Variants in HM13 observed in about 807,000 individuals in gnomAD.
The protein encoded by HM13 is signal peptide peptidase.
HM13 carries 18 observed loss-of-function variants against 50.0 expected under a neutral mutation model. That is an observed-to-expected ratio of 0.36 (90% confidence interval 0.25 to 0.53). HM13 has a LOEUF of 0.53. Among genes scored for constraint, HM13 ranks in the 20% least tolerant of loss-of-function variants. HM13 has a pLI of 0.90. For synonymous variants in HM13, 197 were observed against 232.6 expected, an observed-to-expected ratio of 0.85 and a Z score of 1.39; for missense variants, 393 against 552.4, an observed-to-expected ratio of 0.71 and a Z score of 2.89.
intron 3 of HM13, chr20:31,541,777 G>A (rs904154579): frequency 9.9e-5 from 15 of 152,220 alleles, no homozygotes; most frequent in Admixed American, 9.8e-4. Flanking sequence ...CTACAGTGTT[G>A]TTAGAATTTT....
At chr20:31,528,173 T>C (rs1367168134) in intron 2 of HM13, 4 of 152,230 alleles carry the variant, frequency 2.6e-5, no homozygotes, top group Admixed American at 2.6e-4. Flanking sequence ...TTTCTCATGT[T>C]ACTGCAAACC....
intron 1 of HM13, among the ~76,000 whole-genome samples, chr20:31,520,145 C>T (rs1047036329): frequency 6.6e-6 from 1 of 152,096 alleles, no homozygotes; most frequent in East Asian, 1.9e-4. Context: ...GCGTGAGCCA[C>T]TGTTCCCAGC....
chr20:31,535,282 A>C (rs1411007360), intron 2 of HM13: 1 of 152,240 alleles, frequency 6.6e-6, no homozygotes, highest in Non-Finnish European at 1.5e-5. Context: ...CTTTGAGGCA[A>C]CTCAAAAAAT....
At position 31,568,141 on chromosome 20, in the gene HM13, G is replaced by A. The variant is rs1374146408; in HGVS notation, c.1098G>A (p.Ser366=). 19 of 1,612,670 alleles carry A rather than the reference G, an allele frequency of 1.2e-5. No individual in the cohort carries two copies. Among genetic ancestry groups the A allele is most frequent in the Admixed American group, 3.3e-5 (2 of 59,894 alleles). ...GGCTCACCCACTTCCCCACAGTCTC[G>A]GGCTCCCCAGCCAGCCTGGCCGACT... ...TPRLTHFPTV[S]GSPASLADSM... The change falls in exon 12 of 13, where the codon TCG becomes TCA. Residue 366 remains serine (S), a synonymous_variant. Transcript: ENST00000398174.
rs372206827 is a variant in HM13 at position 31,527,543 on chromosome 20, C to T, written c.243C>T (p.Ile81=). 1.2e-5 allele frequency: 19 copies of T among 1,613,966 alleles called. No homozygotes were observed. The East Asian group carries it at 2.5e-4, about 21-fold the overall frequency. ...GGGATGCCGCCCGCTTCCCCATCAT[C>T]GCCAGCTGCACACTCTTGGGGCTCT... ...TSRDAARFPI[I]ASCTLLGLYL... is the part of the protein sequence containing the mutation. Residue 81 remains isoleucine (I), a synonymous_variant, in exon 2 of 13, where the codon ATC becomes ATT. Coordinates refer to ENST00000398174, the MANE Select transcript of HM13 (RefSeq NM_178581.3).
chr20:31,559,498 T>G, intron 8 of HM13, 113 bp from the exon 9 acceptor site: 2 of 1,027,732 alleles, frequency 1.9e-6, no homozygotes, highest in Non-Finnish European at 3.1e-6. Flanking sequence ...ACCCTTGGTC[T>G]CCAATGATTG....
chr20:31,534,881 C>T (rs1048054676), intron 2 of HM13, among the ~76,000 whole-genome samples: 10 of 151,916 alleles, frequency 6.6e-5, no homozygotes, highest in Admixed American at 3.3e-4. Context: ...GTCAGGAGAT[C>T]GAGACCATCC....
At chr20:31,565,774 T>C (rs1984875373) in intron 10 of HM13, among the ~76,000 whole-genome samples, 1 of 152,294 alleles carries the variant, frequency 6.6e-6, no homozygotes, top group East Asian at 1.9e-4. Context: ...GTCACCTTAA[T>C]ACAGGCTGCA....
chr20:31,547,192 G>A (rs1983771503), intron 4 of HM13, among the ~76,000 whole-genome samples: 1 of 152,184 alleles, frequency 6.6e-6, no homozygotes, highest in Non-Finnish European at 1.5e-5. Context: ...CTTCTGTTCC[G>A]GCAAGGAGAA....
chr20:31,534,643 C>T (rs1203430112), intron 2 of HM13, among the ~76,000 whole-genome samples: 2 of 152,000 alleles, frequency 1.3e-5, no homozygotes, highest in Non-Finnish European at 2.9e-5. Flanking sequence ...ATTAGCCAGG[C>T]GTGGTGGCAC....
At chr20:31,548,252 T>A in intron 4 of HM13, 1 of 528,824 alleles carries the variant, frequency 1.9e-6, no homozygotes. Flanking sequence ...AGCAGTCTGC[T>A]AACACTCTGG....
intron 11 of HM13, chr20:31,567,568 T>A (rs1984996868): frequency 6.6e-6 from 1 of 152,208 alleles, no homozygotes. Context: ...TCCACCTTTT[T>A]ACTTTTCCCT....
chr20:31,547,894 A>G, intron 4 of HM13: 1 of 1,063,702 alleles, frequency 9.4e-7, no homozygotes, highest in Non-Finnish European at 1.5e-6. Context: ...AGTAGATACG[A>G]TTGTAGCAGT....
At chr20:31,547,443 C>T in intron 4 of HM13, 1 of 543,688 alleles carries the variant, frequency 1.8e-6, no homozygotes, top group South Asian at 2.4e-5. Context: ...CTGCAGGGGA[C>T]TCCACCGGAG....
chr20:31,531,248 T>C (rs1334400929), intron 2 of HM13, among the ~76,000 whole-genome samples: 3 of 152,124 alleles, frequency 2.0e-5, no homozygotes, highest in African/African-American at 7.2e-5. Flanking sequence ...TTTCACCTTG[T>C]TGGTCAGGCT....
At chr20:31,549,638 A>G (rs1983921283) in intron 6 of HM13, among the ~76,000 whole-genome samples, 1 of 152,170 alleles carries the variant, frequency 6.6e-6, no homozygotes, top group Non-Finnish European at 1.5e-5. Context: ...AAAGAAGTTC[A>G]GGTAGGGGTG....
intron 1 of HM13, among the ~76,000 whole-genome samples, chr20:31,519,606 T>C (rs1283447732): frequency 6.6e-6 from 1 of 152,168 alleles, no homozygotes; most frequent in East Asian, 1.9e-4. Context: ...AAATGCACAT[T>C]CTGAATCAGA....
chr20:31,548,295 C>G (rs1983835370), intron 4 of HM13: 1 of 408,830 alleles, frequency 2.4e-6, no homozygotes. Context: ...TCTGTGACTC[C>G]CGGCAAACTC....
intron 1 of HM13, among the ~76,000 whole-genome samples, chr20:31,520,607 C>G (rs1021351716): frequency 1.3e-5 from 2 of 152,034 alleles, no homozygotes; most frequent in African/African-American, 4.8e-5. Context: ...CCTGGCTTCT[C>G]CAGAGGTTTT....
Sources: allele counts gnomAD v4.1 joint callset (sites outside exome capture counted in the v4.1 genomes callset), GRCh38; gene constraint gnomAD v4.1.1; transcripts MANE v1.5; gene names NCBI Gene and HGNC (gene_info 2026-07-23, HGNC 2026-07-21).